GATA4: variants seen among roughly 807,000 people sequenced by gnomAD.
The protein encoded by GATA4 is GATA binding protein 4, also known as transcription factor GATA-4.
In GATA4, 7 loss-of-function variants were observed where a neutral mutation model predicts 37.9. The ratio of observed to expected loss-of-function variants is 0.18; its 90% confidence interval spans 0.11 to 0.35. GATA4 has a LOEUF of 0.35. Among genes scored for constraint, GATA4 ranks in the 10% least tolerant of loss-of-function variants. The pLI is 1.00. For missense variants in GATA4, 647 were observed against 653.0 expected, an observed-to-expected ratio of 0.99 and a Z score of 0.10; for synonymous variants, 372 against 292.6, an observed-to-expected ratio of 1.27 and a Z score of -2.77.
chr8:11,710,793 A>T (rs1172445533), intron 2 of GATA4, among the ~76,000 whole-genome samples: 2 of 151,298 alleles, frequency 1.3e-5, no homozygotes, highest in Non-Finnish European at 3.0e-5. Flanking sequence ...GAAAAGAGAG[A>T]AGTTAAAAGT....
At chr8:11,679,259 C>T (rs1408790948) in intron 1 of GATA4, among the ~76,000 whole-genome samples, 1 of 150,850 alleles carries the variant, frequency 6.6e-6, no homozygotes, top group Non-Finnish European at 1.5e-5. Context: ...GGCCCTGCCT[C>T]GGATCTCCAC....
intron 5 of GATA4, among the ~76,000 whole-genome samples, chr8:11,755,718 A>T (rs1427164024): frequency 6.6e-6 from 1 of 152,210 alleles, no homozygotes; most frequent in Non-Finnish European, 1.5e-5. Context: ...AACGAGGGTC[A>T]TACAGCTGTT....
At chr8:11,746,232 A>G (rs1802022800) in intron 2 of GATA4, among the ~76,000 whole-genome samples, 1 of 152,096 alleles carries the variant, frequency 6.6e-6, no homozygotes, top group Non-Finnish European at 1.5e-5. Context: ...TGTCTCAAAA[A>G]AAAAAGGAAA....
chr8:11,750,796 A>T (rs927920535), intron 4 of GATA4, among the ~76,000 whole-genome samples: 21 of 114,766 alleles, frequency 1.8e-4, no homozygotes, highest in Non-Finnish European at 3.3e-4. Context: ...AAAAAAAAAA[A>T]TCTAGCTGGG....
rs992173134 is a variant in GATA4, at chr8:11,758,449, A to C, written c.1306A>C (p.Ser436Arg). The change falls in exon 7 of 7, where the codon AGT becomes CGT. Residue 436 changes from serine (S) to arginine (R), a missense_variant. Physicochemically the swap from Ser to Arg is moderately radical, Grantham distance 110. Around this residue, in one of 5 missense-constraint regions of GATA4, gnomAD observed 184 missense variants for 157.1 expected, o/e 1.17. Transcript: ENST00000532059. ...TTGGAACAGCCTGGTCTTGGCCGAC[A>C]GTCACGGGGACATAATCACTGCGTA... is the stretch of plus-strand genomic sequence containing the variant. ...DSWNSLVLAD[S>R]HGDIITA The C allele has an allele frequency of 1.2e-6, 2 of 1,614,082 alleles. No homozygotes were observed. The highest frequency in any genetic ancestry group is 1.7e-5 in the Admixed American group (1 of 60,008).
Position 11,708,222 on chromosome 8 carries a change from T to G in GATA4, c.-91T>G. 1 of 1,406,382 alleles carries G rather than the reference T, an allele frequency of 7.1e-7. No homozygotes were observed. Among genetic ancestry groups the G allele is most frequent in the East Asian group, 2.5e-5 (1 of 40,396 alleles). The allele number at this position is 1,406,382 out of a possible 1,614,324, so 87.1% of individuals were successfully genotyped here. Reference sequence around the variant, plus strand: ...TTCGCGACAGTTCCTCCCACGCATATTATCGTTGTTGCCGTCGTTTTCTCT... The same window carrying G: ...TTCGCGACAGTTCCTCCCACGCATAGTATCGTTGTTGCCGTCGTTTTCTCT... On this transcript the variant is annotated 5_prime_UTR_variant, in exon 2 of 7. Transcript: ENST00000532059. This position sits in a 1 kb window ranked among gnomAD's most constrained non-coding sequence, Gnocchi z 6.7.
At chr8:11,728,689 T>C (rs1430080317) in intron 2 of GATA4, among the ~76,000 whole-genome samples, 1 of 152,150 alleles carries the variant, frequency 6.6e-6, no homozygotes, top group African/African-American at 2.4e-5. Context: ...GGTGAGATTA[T>C]GGGTTTGAGC....
chr8:11,728,138 C>A (rs1801026594), intron 2 of GATA4, among the ~76,000 whole-genome samples: 1 of 152,076 alleles, frequency 6.6e-6, no homozygotes, highest in Non-Finnish European at 1.5e-5. Flanking sequence ...TTACAGGCGC[C>A]TACCACCACA....
At chr8:11,724,514 C>T (rs1800823736) in intron 2 of GATA4, among the ~76,000 whole-genome samples, 2 of 152,232 alleles carry the variant, frequency 1.3e-5, no homozygotes, top group African/African-American at 4.8e-5. Context: ...ATAACATCCT[C>T]ATCTCTGAGT....
upstream of GATA4, among the ~76,000 whole-genome samples, chr8:11,702,546 C>T (rs1799715741): frequency 6.6e-6 from 1 of 151,002 alleles, no homozygotes; most frequent in African/African-American, 2.4e-5. The surrounding 1 kb of genome is among the most constrained non-coding windows in gnomAD (Gnocchi z 4.4). Context: ...TCCGAAGGAT[C>T]GCAGATTGGA....
chr8:11,744,345 T>C (rs1185525779), intron 2 of GATA4, among the ~76,000 whole-genome samples: 1 of 152,254 alleles, frequency 6.6e-6, no homozygotes, highest in African/African-American at 2.4e-5. Flanking sequence ...ATTTGCAAAG[T>C]ACTTTACAAC....
At chr8:11,706,479 T>C (rs138581034) in intron 1 of GATA4, among the ~76,000 whole-genome samples, 149 of 152,362 alleles carry the variant, frequency 9.8e-4, no homozygotes, top group African/African-American at 3.4e-3. Context: ...TAATTTATAA[T>C]CCTCACTCCT....
At chr8:11,718,667 G>A (rs938511073) in intron 2 of GATA4, among the ~76,000 whole-genome samples, 1 of 152,122 alleles carries the variant, frequency 6.6e-6, no homozygotes, top group Non-Finnish European at 1.5e-5. Flanking sequence ...TCCCCTAATC[G>A]CAAATCCAGT....
chr8:11,746,656 C>T (rs1211795201), intron 2 of GATA4, among the ~76,000 whole-genome samples: 2 of 152,200 alleles, frequency 1.3e-5, no homozygotes, highest in African/African-American at 4.8e-5. Context: ...ATGAAAGAAG[C>T]GGGGCTGACA....
chr8:11,726,169 G>T lies in GATA4; in HGVS notation c.616+17241G>T, dbSNP rs537846869. 2.6e-5 allele frequency among the ~76,000 whole-genome samples: 4 copies of T among 152,312 alleles called. No individual in the cohort carries two copies. In the East Asian group the frequency reaches 7.7e-4, roughly 29 times the overall value. ...CATCCTGAAGCATTTGGCAGCTTTG[G>T]CTCACATATTCAGACCTCTGTGAAA... is the stretch of plus-strand genomic sequence containing the variant. On this transcript the variant is annotated intron_variant, in intron 2 of 6. Transcript: ENST00000532059.
intron 2 of GATA4, among the ~76,000 whole-genome samples, chr8:11,731,566 TG>T (rs2130205979): frequency 6.6e-6 from 1 of 152,266 alleles, no homozygotes; most frequent in East Asian, 1.9e-4. Flanking sequence ...GGTTGCCAGG[TG>T]GTGGGGCCAG....
intron 2 of GATA4, among the ~76,000 whole-genome samples, chr8:11,743,510 G>A (rs1036525790): frequency 4.6e-5 from 7 of 152,258 alleles, no homozygotes; most frequent in African/African-American, 1.4e-4. Flanking sequence ...GGCGGCAGCA[G>A]TGGCCTGAGC....
intron 2 of GATA4, among the ~76,000 whole-genome samples, chr8:11,726,373 C>T (rs543855711): frequency 4.9e-4 from 74 of 152,240 alleles, no homozygotes; most frequent in African/African-American, 1.7e-3. Flanking sequence ...GGCCAGGAAG[C>T]GAGAGAAGAG....
At chr8:11,754,289 T>A (rs955823993) in intron 4 of GATA4, among the ~76,000 whole-genome samples, 2 of 152,228 alleles carry the variant, frequency 1.3e-5, no homozygotes, top group African/African-American at 4.8e-5. Flanking sequence ...CGATCACGGC[T>A]TGCTGGAGCC....
Sources: allele counts gnomAD v4.1 joint callset (sites outside exome capture counted in the v4.1 genomes callset), GRCh38; gene constraint gnomAD v4.1.1; regional missense constraint gnomAD v4.1.1; non-coding constraint Gnocchi (gnomAD v3.1); transcripts MANE v1.5; gene names NCBI Gene and HGNC (gene_info 2026-07-23, HGNC 2026-07-21).